LARGE1: variants seen among roughly 807,000 people sequenced by gnomAD.
The protein encoded by LARGE1 is xylosyl- and glucuronyltransferase LARGE1.
LARGE1 carries 43 observed loss-of-function variants against 87.6 expected under a neutral mutation model. The ratio of observed to expected loss-of-function variants is 0.49; its 90% CI spans 0.38 to 0.63. The LOEUF (loss-of-function observed/expected upper bound fraction) is 0.63, where lower values mean the gene tolerates loss of function less well. LARGE1 is among the 30% of genes least tolerant of loss of function. The pLI is 0.00. For synonymous variants in LARGE1, 434 were observed against 394.6 expected (o/e 1.10, Z -1.18); for missense variants, 802 against 1,000.2 (o/e 0.80, Z 2.67).
At chr22:33,447,716 G>GT (rs2067740944) in intron 6 of LARGE1, among the ~76,000 whole-genome samples, 1 of 152,206 alleles carries the variant, frequency 6.6e-6, no homozygotes, top group Non-Finnish European at 1.5e-5. Flanking sequence ...TGGGCGTGGG[G>GT]TAAGTCCCTC....
intron 1 of LARGE1, among the ~76,000 whole-genome samples, chr22:33,812,538 T>C (rs530069129): frequency 2.0e-3 from 307 of 152,300 alleles, no homozygotes; most frequent in Non-Finnish European, 3.6e-3. Flanking sequence ...CCAGGGTGCA[T>C]TGTCATCAGT....
At chr22:33,515,610 C>T (rs1033743205) in intron 6 of LARGE1, among the ~76,000 whole-genome samples, 6 of 152,132 alleles carry the variant, frequency 3.9e-5, no homozygotes, top group Non-Finnish European at 5.9e-5. Context: ...ACACATTCAA[C>T]GAGAAAACAG....
intron 2 of LARGE1, among the ~76,000 whole-genome samples, chr22:33,677,175 T>C (rs182839378): frequency 1.3e-5 from 2 of 151,720 alleles, no homozygotes; most frequent in Admixed American, 6.6e-5. Context: ...CTGCAGCTAA[T>C]TGCTTAATAA....
intron 2 of LARGE1, among the ~76,000 whole-genome samples, chr22:33,703,871 A>G (rs941040374): frequency 2.6e-5 from 4 of 152,258 alleles, no homozygotes; most frequent in Admixed American, 2.6e-4. Flanking sequence ...GATTTGATAC[A>G]GTAGCAACAG....
intron 2 of LARGE1, among the ~76,000 whole-genome samples, chr22:33,709,500 C>G (rs948734383): frequency 1.3e-5 from 2 of 152,178 alleles, no homozygotes; most frequent in African/African-American, 4.8e-5. Context: ...CAAGACTGCA[C>G]TTGGATTTAA....
At chr22:33,182,193 A>G (rs1158436285) in intron 11 of LARGE1, among the ~76,000 whole-genome samples, 1 of 152,220 alleles carries the variant, frequency 6.6e-6, no homozygotes, top group Non-Finnish European at 1.5e-5. Context: ...AAGGTAAAAT[A>G]TAAGTAGTCC....
At chr22:33,415,309 C>G (rs546179079) in intron 7 of LARGE1, among the ~76,000 whole-genome samples, 1 of 152,266 alleles carries the variant, frequency 6.6e-6, no homozygotes, top group South Asian at 2.1e-4. Context: ...AGTGGTGTTG[C>G]CAGAGCTAAC....
chr22:33,563,812 C>A (rs1348984306), intron 6 of LARGE1, among the ~76,000 whole-genome samples: 1 of 151,554 alleles, frequency 6.6e-6, no homozygotes, highest in Non-Finnish European at 1.5e-5. Flanking sequence ...GGGAAAGAGT[C>A]CCGGGGATCA....
intron 11 of LARGE1, among the ~76,000 whole-genome samples, chr22:33,186,180 G>A (rs1923464714): frequency 6.6e-6 from 1 of 152,054 alleles, no homozygotes; most frequent in South Asian, 2.1e-4. Flanking sequence ...TATAATGCCA[G>A]AATAATACTG....
intron 4 of LARGE1, among the ~76,000 whole-genome samples, chr22:33,623,743 T>A (rs2079830261): frequency 6.7e-6 from 1 of 148,822 alleles, no homozygotes; most frequent in Non-Finnish European, 1.5e-5. Context: ...TCTAAAGAGT[T>A]AAAATGGCTG....
the LARGE1 span, among the ~76,000 whole-genome samples, chr22:33,091,084 G>T: frequency 6.6e-6 from 1 of 152,134 alleles, no homozygotes; most frequent in African/African-American, 2.4e-5. Context: ...ATTCGAAGAC[G>T]ATTGCCATAT....
At chr22:33,789,690 A>G (rs1304176140) in intron 1 of LARGE1, among the ~76,000 whole-genome samples, 1 of 152,240 alleles carries the variant, frequency 6.6e-6, no homozygotes, top group Non-Finnish European at 1.5e-5. Context: ...ATGGAATCAA[A>G]GGAAATCACT....
chr22:33,764,173 A>C (rs1195314806), intron 1 of LARGE1, among the ~76,000 whole-genome samples: 1 of 151,574 alleles, frequency 6.6e-6, no homozygotes, highest in Admixed American at 6.6e-5. Flanking sequence ...ATCTCTCTCT[A>C]CTCCCACATT....
intron 11 of LARGE1, among the ~76,000 whole-genome samples, chr22:33,230,248 G>A (rs1925942815): frequency 6.6e-5 from 10 of 151,714 alleles, no homozygotes; most frequent in Admixed American, 6.6e-4. Flanking sequence ...TCTTGACCTC[G>A]TAATCTCGTA....
chr22:33,296,144 G>C (rs1933219093), intron 12 of LARGE1, among the ~76,000 whole-genome samples: 1 of 152,198 alleles, frequency 6.6e-6, no homozygotes, highest in Admixed American at 6.5e-5. Flanking sequence ...ACGTTGTAGA[G>C]CACTTGCCAC....
chr22:33,501,151 T>C (rs2070413202), intron 6 of LARGE1, among the ~76,000 whole-genome samples: 1 of 152,110 alleles, frequency 6.6e-6, no homozygotes, highest in Non-Finnish European at 1.5e-5. Context: ...AATGGTACAT[T>C]AAAGAGTCAT....
chr22:33,763,911 G>A lies in LARGE1; in HGVS notation c.-82-2353C>T, dbSNP rs554554285. On this transcript the variant is annotated intron_variant, in intron 1 of 14. Coordinates refer to ENST00000397394, the MANE Select transcript of LARGE1 (RefSeq NM_133642.5). ...TGTCACCAGGCTAGAGTATAGTGGT[G>A]TGATCTCAGCTCACTGCAACCTCCG... Among the ~76,000 whole-genome samples the A allele has an allele frequency of 6.6e-5, 8 of 122,132 alleles. No homozygotes were observed. The Middle Eastern group carries it at 0.04, about 611-fold the overall frequency. 80.1% of individuals were successfully genotyped at this position (122,132 alleles called of 152,430 possible).
intron 2 of LARGE1, among the ~76,000 whole-genome samples, chr22:33,656,058 AGTGTGTGTGT>A (rs3072285): frequency 4.7e-5 from 7 of 150,480 alleles, no homozygotes; most frequent in African/African-American, 7.3e-5. Flanking sequence ...CATAAGCATG[AGTGTGTGTGT>A]GTGTGTGTGT....
At chr22:33,118,489 C>T in the LARGE1 span, among the ~76,000 whole-genome samples, 8 of 141,278 alleles carry the variant, frequency 5.7e-5, no homozygotes, top group Non-Finnish European at 1.2e-4. Context: ...GGGACCCTGC[C>T]TCAGAAAGAA....
Sources: gnomAD v4.1 joint callset for allele counts (sites outside exome capture counted in the v4.1 genomes callset) on GRCh38, gnomAD v4.1.1 for gene constraint, MANE v1.5 for transcripts, NCBI Gene and HGNC (gene_info 2026-07-23, HGNC 2026-07-21) for gene names.